The following TMEM269 variants were observed in gnomAD, a reference collection of about 807,000 sequenced individuals.
TMEM269 encodes the protein transmembrane protein 269.
TMEM269 carries 12 observed loss-of-function variants against 15.8 expected under a neutral mutation model. The observed-to-expected ratio is 0.76, with a 90% confidence interval of 0.49 to 1.23. The LOEUF (loss-of-function observed/expected upper bound fraction) is 1.23. TMEM269 is among the 50% of genes most tolerant of loss of function. The pLI is 0.00. For missense variants in TMEM269, 211 were observed against 245.4 expected (o/e 0.86, Z 0.94); for synonymous variants, 93 against 99.3 (o/e 0.94, Z 0.38).
chr1:42,789,784 C>T lies in TMEM269; in HGVS notation c.-98-12C>T. On this transcript the variant is annotated splice_polypyrimidine_tract_variant and intron_variant, in intron 1 of 5. Transcript: ENST00000637012. ...CCTTGGGAACCCTTCGCCCCTCTCT[C>T]TTGGGCCCCAGGTAAGGGTACCAGT... is the stretch of plus-strand genomic sequence containing the variant. 1 of 1,440,408 alleles carries T rather than the reference C, an allele frequency of 6.9e-7. No homozygotes were observed. Among genetic ancestry groups the T allele is most frequent in the Non-Finnish European group, 9.6e-7 (1 of 1,046,280 alleles). 89.2% of individuals were successfully genotyped at this position (1,440,408 alleles called of 1,614,324 possible).
chr1:42,787,209 C>T (rs1653558313), intron 1 of TMEM269, among the ~76,000 whole-genome samples: 1 of 152,194 alleles, frequency 6.6e-6, no homozygotes, highest in South Asian at 2.1e-4. Flanking sequence ...ACACTTAAGG[C>T]AAAATTGTAA....
chr1:42,785,445 CTCTCG>C (rs1228504861), intron 1 of TMEM269, among the ~76,000 whole-genome samples: 1 of 152,104 alleles, frequency 6.6e-6, no homozygotes, highest in Non-Finnish European at 1.5e-5. Flanking sequence ...CCATATTCAA[CTCTCG>C]TCTCCTCTGC....
intron 1 of TMEM269, among the ~76,000 whole-genome samples, chr1:42,789,103 A>G: frequency 6.6e-6 from 1 of 152,044 alleles, no homozygotes; most frequent in East Asian, 1.9e-4. Context: ...TTGTATTTTT[A>G]GTAGAGACAG....
intron 1 of TMEM269, chr1:42,789,345 T>G: frequency 1.7e-6 from 2 of 1,159,530 alleles, no homozygotes; most frequent in Non-Finnish European, 2.5e-6. Context: ...TCAGAAGGAG[T>G]GAACTTGGAC....
At chr1:42,790,019 AC>A in intron 2 of TMEM269, 85 bp downstream of exon 2, 4 of 1,032,500 alleles carry the variant, frequency 3.9e-6, no homozygotes, top group Non-Finnish European at 5.9e-6. Context: ...GAGAGCAGGC[AC>A]TGAGGCATAG....
At position 42,788,537 on chromosome 1, in the gene TMEM269, C is replaced by T. The variant is rs968008894; in HGVS notation, c.-98-1259C>T. 1.3e-5 allele frequency among the ~76,000 whole-genome samples: 2 copies of T among 152,076 alleles called. No individual in the cohort carries two copies. Among genetic ancestry groups the T allele is most frequent in the Non-Finnish European group, 2.9e-5 (2 of 68,004 alleles). The stretch of plus-strand genomic sequence containing the variant: ...AGACTGTGAAGATGGGCAGGGCCAG[C>T]CAATTCCCTGTTGTGGGAGAGACTG... On this transcript the variant is annotated intron_variant, in intron 1 of 5. Coordinates refer to ENST00000637012, the MANE Select transcript of TMEM269 (RefSeq NM_001354602.2). This position sits in a 1 kb window ranked among gnomAD's most constrained non-coding sequence, Gnocchi z 4.0.
Position 42,798,224 on chromosome 1 carries a change from G to A in TMEM269, c.611G>A (p.Ter204=), listed in dbSNP as rs772003883. The A allele has an allele frequency of 5.0e-4, 774 of 1,545,578 alleles. 5 individuals carry two copies. Among genetic ancestry groups the A allele is most frequent in the Middle Eastern group, 8.4e-4 (5 of 5,984 alleles). Residue 204 remains the stop codon, a stop_retained_variant, in exon 6 of 6, where the codon TGA becomes TAA. Transcript: ENST00000637012. ...GCAGCCTGTCTTTCGCCACAGCACT[G>A]AGGAAGCTAAGCAGCTCTACCAGCT... ...GKAACLSPQH[*]
chr1:42,790,435 T>C (rs1213965098), intron 2 of TMEM269, among the ~76,000 whole-genome samples: 1 of 152,198 alleles, frequency 6.6e-6, no homozygotes, highest in Non-Finnish European at 1.5e-5. Flanking sequence ...AGTAAGTGAC[T>C]TCTCTTTGGA....
chr1:42,789,452 C>T lies in TMEM269; in HGVS notation c.-98-344C>T, dbSNP rs991383692. 76 of 1,535,418 alleles carry T rather than the reference C, an allele frequency of 4.9e-5. No homozygotes were observed. The Admixed American group carries it at 6.9e-4, about 14-fold the overall frequency. On this transcript the variant is annotated intron_variant, in intron 1 of 5. Transcript: ENST00000637012. ...TCTCAGATGGGAGAAGGGCCCCATA[C>T]CCCCTGCATTCTGGGCCATGGGGCT...
intron 5 of TMEM269, among the ~76,000 whole-genome samples, chr1:42,796,081 A>G (rs1463824910): frequency 2.0e-5 from 3 of 152,184 alleles, no homozygotes; most frequent in African/African-American, 4.8e-5. Context: ...AATTTTATCC[A>G]TCTGTAAAAC....
chr1:42,797,951 G>A lies in TMEM269; in HGVS notation c.485-147G>A. 1 of 881,774 alleles carries A rather than the reference G, an allele frequency of 1.1e-6. No homozygotes were observed. The highest frequency in any genetic ancestry group is 1.8e-6 in the Non-Finnish European group (1 of 540,916). The allele number at this position is 881,774 out of a possible 1,614,324, so 54.6% of individuals were successfully genotyped here. A position where few individuals can be genotyped will look rare whatever the true frequency, so the allele number is the denominator to read the frequency against. On this transcript the variant is annotated intron_variant, in intron 5 of 5. Transcript: ENST00000637012. The surrounding 1 kb of genome is among the most constrained non-coding windows in gnomAD (Gnocchi z 4.9). ...CTATCTCTATTAAACTGAACTTGAAGACAGGGCTCCTGTCTCTTTCTGTTT... is the reference window on the plus strand; with the variant it reads ...CTATCTCTATTAAACTGAACTTGAAAACAGGGCTCCTGTCTCTTTCTGTTT...
At chr1:42,786,274 A>G (rs1653541335) in intron 1 of TMEM269, among the ~76,000 whole-genome samples, 2 of 152,266 alleles carry the variant, frequency 1.3e-5, no homozygotes, top group African/African-American at 2.4e-5. Flanking sequence ...TACTGGGTAC[A>G]GGGACCTCGG....
At chr1:42,796,387 CTGGG>C (rs894247771) in intron 5 of TMEM269, among the ~76,000 whole-genome samples, 2 of 152,172 alleles carry the variant, frequency 1.3e-5, no homozygotes, top group South Asian at 2.1e-4. Flanking sequence ...CAGAGCCCTA[CTGGG>C]TAGATTTCAA....
intron 1 of TMEM269, chr1:42,789,551 A>G (rs1017545646): frequency 4.0e-6 from 6 of 1,490,830 alleles, no homozygotes; most frequent in African/African-American, 1.4e-5. Context: ...AGGGAGTGGA[A>G]ACTATGCTTG....
At position 42,797,925 on chromosome 1, in the gene TMEM269, C is replaced by T. The variant is rs1227346301; in HGVS notation, c.485-173C>T. On this transcript the variant is annotated intron_variant, in intron 5 of 5. Transcript: ENST00000637012. The surrounding 1 kb of genome is among the most constrained non-coding windows in gnomAD (Gnocchi z 4.9). ...TGGGCTATACTTCTCTAGTTACTTA[C>T]CTATCTCTATTAAACTGAACTTGAA... The T allele has an allele frequency of 1.4e-6, 1 of 736,626 alleles. No individual in the cohort carries two copies. The highest frequency in any genetic ancestry group is 2.0e-5 in the Admixed American group (1 of 49,150). The allele number at this position is 736,626 out of a possible 1,614,324, so 45.6% of individuals were successfully genotyped here. A position where few individuals can be genotyped will look rare whatever the true frequency, so the allele number is the denominator to read the frequency against.
intron 5 of TMEM269, 131 bp downstream of exon 5, chr1:42,794,744 A>G (rs1290636080): frequency 2.9e-6 from 2 of 688,500 alleles, no homozygotes; most frequent in Non-Finnish European, 2.5e-6. Context: ...CATCTGACAT[A>G]TTTACTAGTT....
chr1:42,791,548 T>C (rs1447464716), intron 2 of TMEM269, among the ~76,000 whole-genome samples: 1 of 152,164 alleles, frequency 6.6e-6, no homozygotes, highest in African/African-American at 2.4e-5. Context: ...TCAAAACTTA[T>C]AGGATGCAGG....
At position 42,796,349 on chromosome 1, in the gene TMEM269, C is replaced by A. The variant is rs548523796; in HGVS notation, c.484+1736C>A. Among the ~76,000 whole-genome samples, 6 of 152,156 alleles carry A rather than the reference C, an allele frequency of 3.9e-5. No homozygotes were observed. The South Asian group carries it at 1.2e-3, about 32-fold the overall frequency. ...TGTGTGAGTAAGGGAGGAAACTGCA[C>A]CTTACAGATTTTGACAACAGTTAAT... On this transcript the variant is annotated intron_variant, in intron 5 of 5. Transcript: ENST00000637012.
rs1019848018 is a variant in TMEM269, at chr1:42,792,966, C to G, written c.139+64C>G. 6 of 1,279,426 alleles carry G rather than the reference C, an allele frequency of 4.7e-6. No individual in the cohort carries two copies. The East Asian group carries it at 1.3e-4, about 27-fold the overall frequency. 79.3% of individuals were successfully genotyped at this position (1,279,426 alleles called of 1,614,324 possible). A position where few individuals can be genotyped will look rare whatever the true frequency, so the allele number is the denominator to read the frequency against. On this transcript the variant is annotated intron_variant, in intron 3 of 5. Coordinates refer to ENST00000637012, the MANE Select transcript of TMEM269 (RefSeq NM_001354602.2). Reference sequence around the variant, plus strand: ...TAGCATCCATCTGGGGTCACCCCTTCGTCCATCCTCTAACATCCCGCAGGC... The same window carrying G: ...TAGCATCCATCTGGGGTCACCCCTTGGTCCATCCTCTAACATCCCGCAGGC...
Sources: allele counts gnomAD v4.1 joint callset (sites outside exome capture counted in the v4.1 genomes callset), GRCh38; gene constraint gnomAD v4.1.1; non-coding constraint Gnocchi (gnomAD v3.1); transcripts MANE v1.5; gene names NCBI Gene and HGNC (gene_info 2026-07-23, HGNC 2026-07-21).